CHUK: variants seen among roughly 807,000 people sequenced by gnomAD.
The protein encoded by CHUK is inhibitor of nuclear factor kappa-B kinase subunit alpha.
A neutral mutation model predicts 104.8 loss-of-function variants in CHUK; 35 were observed. That is an observed-to-expected ratio of 0.33 (90% CI 0.26 to 0.44). The LOEUF is 0.44. Among genes scored for constraint, CHUK ranks in the 20% least tolerant of loss-of-function variants. The pLI, the probability that CHUK is intolerant of heterozygous loss-of-function variation, is 1.00. For synonymous variants in CHUK, 276 were observed against 291.9 expected (o/e 0.95, Z 0.56); for missense variants, 663 against 902.7 (o/e 0.73, Z 3.40).
At chr10:100,190,675 G>C in intron 20 of CHUK, 194 bp downstream of exon 20, 1 of 596,558 alleles carries the variant, frequency 1.7e-6, no homozygotes, top group Admixed American at 2.8e-5. Context: ...GATAATTGAT[G>C]ACATAATCCT....
intron 19 of CHUK, chr10:100,192,915 C>T (rs1051525148): frequency 8.2e-6 from 2 of 242,714 alleles, no homozygotes; most frequent in East Asian, 1.2e-4. Context: ...CATAATTTCT[C>T]ATAAACTGTT....
chr10:100,200,103 G>T, intron 15 of CHUK, 83 bp from the exon 16 acceptor site: 2 of 1,045,954 alleles, frequency 1.9e-6, no homozygotes, highest in African/African-American at 1.6e-5. Flanking sequence ...TATTTTATTT[G>T]AATAATGAAC....
intron 1 of CHUK, among the ~76,000 whole-genome samples, chr10:100,226,319 C>T (rs1163438021): frequency 2.0e-5 from 3 of 152,168 alleles, no homozygotes; most frequent in Non-Finnish European, 4.4e-5. Context: ...AAGATCCTGT[C>T]TCCTCAGCAA....
intron 9 of CHUK, among the ~76,000 whole-genome samples, chr10:100,211,915 G>A (rs1200537635): frequency 6.7e-6 from 1 of 149,842 alleles, no homozygotes; most frequent in African/African-American, 2.5e-5. Context: ...GAGTCTTGCT[G>A]TGTCACGCAG....
chr10:100,200,794 A>G lies in CHUK; in HGVS notation c.1570-14T>C. On this transcript the variant is annotated splice_polypyrimidine_tract_variant and intron_variant, in intron 14 of 20. Coordinates refer to ENST00000370397, the MANE Select transcript of CHUK (RefSeq NM_001278.5). Reference sequence around the variant, plus strand: ...AATGACACCAACCTAAAATATGATGAAAATACAAAGGAAATGAAAGGCTTA... The same window carrying G: ...AATGACACCAACCTAAAATATGATGGAAATACAAAGGAAATGAAAGGCTTA... 1.4e-6 allele frequency: 2 copies of G among 1,402,794 alleles called. No homozygotes were observed. Among genetic ancestry groups the G allele is most frequent in the Non-Finnish European group, 2.0e-6 (2 of 988,280 alleles). The allele number at this position is 1,402,794 out of a possible 1,614,324, so 86.9% of individuals were successfully genotyped here. A position where few individuals can be genotyped will look rare whatever the true frequency, so the allele number is the denominator to read the frequency against.
intron 4 of CHUK, among the ~76,000 whole-genome samples, chr10:100,221,411 G>A (rs1390981619): frequency 6.6e-6 from 1 of 151,844 alleles, no homozygotes; most frequent in African/African-American, 2.4e-5. Flanking sequence ...CTCCAGCCTG[G>A]GCAACAGAGC....
downstream of CHUK, chr10:100,187,342 C>G (rs1476755734): frequency 6.6e-6 from 1 of 152,184 alleles, no homozygotes; most frequent in African/African-American, 2.4e-5. Context: ...TTCATTAAAG[C>G]AAGACTTCCC....
intron 16 of CHUK, among the ~76,000 whole-genome samples, chr10:100,196,949 T>C (rs1015886668): frequency 6.6e-6 from 1 of 152,216 alleles, no homozygotes; most frequent in African/African-American, 2.4e-5. Context: ...TCCCTCCTAC[T>C]GTTCTTTGGA....
chr10:100,205,315 G>A, intron 11 of CHUK, 116 bp from the exon 12 acceptor site: 1 of 1,079,680 alleles, frequency 9.3e-7, no homozygotes. Context: ...TCCCATAGAT[G>A]CTAGAAACTG....
In CHUK at chr10:100,205,046, T is replaced by C. The variant is rs1371996232; in HGVS notation, c.1355+30A>G. The C allele has an allele frequency of 3.7e-6, 6 of 1,610,122 alleles. No individual in the cohort carries two copies. In the African/African-American group the frequency reaches 4.0e-5, roughly 11 times the overall value. On this transcript the variant is annotated intron_variant, in intron 12 of 20. Coordinates refer to ENST00000370397, the MANE Select transcript of CHUK (RefSeq NM_001278.5). ...TCTTGAGTATATGATGCACATTGCA[T>C]TGTGCTTATAAACAACAGAATCCAC...
At chr10:100,200,150 TCA>T (rs1394318040) in intron 15 of CHUK, 130 bp from the exon 16 acceptor site, 1 of 777,036 alleles carries the variant, frequency 1.3e-6, no homozygotes, top group African/African-American at 1.7e-5. Flanking sequence ...AACAAGTATT[TCA>T]CAGAGCATTG....
intron 9 of CHUK, among the ~76,000 whole-genome samples, chr10:100,211,738 G>C (rs1845732950): frequency 6.6e-6 from 1 of 152,154 alleles, no homozygotes; most frequent in African/African-American, 2.4e-5. Context: ...ATCTGTCAAA[G>C]GACATTTAGG....
chr10:100,203,982 T>C (rs1845529707), intron 13 of CHUK, among the ~76,000 whole-genome samples: 1 of 152,334 alleles, frequency 6.6e-6, no homozygotes, highest in East Asian at 1.9e-4. Flanking sequence ...GCCTGCTTTC[T>C]GGTTCCTAGA....
chr10:100,189,732 AGTTG>A, intron 20 of CHUK, 105 bp from the exon 21 acceptor site: 1 of 781,842 alleles, frequency 1.3e-6, no homozygotes, highest in Non-Finnish European at 2.2e-6. Flanking sequence ...CATAATCAAA[AGTTG>A]AAAAATCATT....
Position 100,194,467 on chromosome 10 carries a change from T to G in CHUK, c.1784A>C (p.Gln595Pro). ...CTCCTTGAGCACACGGTCCTGACTC[T>G]GCACAGTGTGCACAATGATTTTCAC... ...EMVKIIVHTVQSQDRVLKELF... is the reference protein window; with the variant it reads ...EMVKIIVHTVPSQDRVLKELF... Residue 595 changes from glutamine to proline, a missense_variant, in exon 17 of 21, where the codon CAG becomes CCG. Around this residue, in one of 5 missense-constraint regions of CHUK, gnomAD observed 311 missense variants for 393.4 expected, o/e 0.79. Coordinates refer to ENST00000370397, the MANE Select transcript of CHUK (RefSeq NM_001278.5). The G allele has an allele frequency of 6.2e-7, 1 of 1,613,750 alleles. No homozygotes were observed. Among genetic ancestry groups the G allele is most frequent in the Non-Finnish European group, 8.5e-7 (1 of 1,179,690 alleles).
At position 100,200,036 on chromosome 10, in the gene CHUK, C is replaced by G. The variant is rs749202853; in HGVS notation, c.1680-16G>C. On this transcript the variant is annotated splice_polypyrimidine_tract_variant and intron_variant, in intron 15 of 20. Transcript: ENST00000370397. ...ACGCTGTTCCCTATAAAAGAGAAAA[C>G]ACGCTCTGATAAGTGAAGGTAATTT... 6.3e-7 allele frequency: 1 copy of G among 1,596,276 alleles called. No homozygotes were observed.
At position 100,229,557 on chromosome 10, in the gene CHUK, G is replaced by C. The variant is rs781708040; in HGVS notation, c.-25C>G. ...TGGGGCGGGAGGGCAAGCGGCCTCA[G>C]GTTCCACAGTTGTTCCAAGGCCGGT... is the stretch of plus-strand genomic sequence containing the variant. On this transcript the variant is annotated 5_prime_UTR_variant, in exon 1 of 21. Coordinates refer to ENST00000370397, the MANE Select transcript of CHUK (RefSeq NM_001278.5). 1.4e-5 allele frequency: 20 copies of C among 1,455,862 alleles called. No individual in the cohort carries two copies. In the South Asian group the frequency reaches 1.8e-4, roughly 13 times the overall value. The allele number at this position is 1,455,862 out of a possible 1,614,324, so 90.2% of individuals were successfully genotyped here.
chr10:100,191,871 C>G, intron 19 of CHUK, among the ~76,000 whole-genome samples: 1 of 152,174 alleles, frequency 6.6e-6, no homozygotes, highest in Non-Finnish European at 1.5e-5. Flanking sequence ...GTAATTCCAG[C>G]ACTTTTGGAG....
At chr10:100,200,053 A>G (rs773606365) in intron 15 of CHUK, 33 bp from the exon 16 acceptor site, 64 of 1,511,624 alleles carry the variant, frequency 4.2e-5, no homozygotes, top group Non-Finnish European at 5.3e-5. Flanking sequence ...TGATAAGTGA[A>G]GGTAATTTAA....
Sources: gnomAD v4.1 joint callset for allele counts (sites outside exome capture counted in the v4.1 genomes callset) on GRCh38, gnomAD v4.1.1 for gene constraint, gnomAD v4.1.1 regional missense constraint, MANE v1.5 for transcripts, NCBI Gene and HGNC (gene_info 2026-07-23, HGNC 2026-07-21) for gene names.